PLGRKT: variants seen among roughly 807,000 people sequenced by gnomAD.
PLGRKT encodes plasminogen receptor with a C-terminal lysine.
Under a neutral mutation model 18.5 loss-of-function variants are expected in PLGRKT, and 22 were observed. The observed-to-expected ratio is 1.19, with a 90% CI of 0.85 to 1.70. PLGRKT has a LOEUF of 1.70. Among genes scored for constraint, PLGRKT ranks in the 40% most tolerant of loss-of-function variants. The pLI, the probability that PLGRKT is intolerant of heterozygous loss-of-function variation, is 0.00. For missense variants in PLGRKT, 235 were observed against 174.4 expected (o/e 1.35, Z -1.96); for synonymous variants, 72 against 52.8 (o/e 1.36, Z -1.58).
chr9:5,404,771 T>A (rs1016274613), intron 3 of PLGRKT, among the ~76,000 whole-genome samples: 1 of 152,174 alleles, frequency 6.6e-6, no homozygotes, highest in African/African-American at 2.4e-5. Flanking sequence ...TTGGAAGTCC[T>A]AGCCAGGTCA....
intron 3 of PLGRKT, among the ~76,000 whole-genome samples, chr9:5,396,412 A>G (rs1325656885): frequency 6.6e-6 from 1 of 151,616 alleles, no homozygotes; most frequent in Non-Finnish European, 1.5e-5. Context: ...CAGCCTCCCG[A>G]GTAGCTGGCA....
intron 3 of PLGRKT, among the ~76,000 whole-genome samples, chr9:5,420,706 G>A (rs1818559493): frequency 6.6e-6 from 1 of 152,170 alleles, no homozygotes. Flanking sequence ...CAAAGATTGT[G>A]CTGCTTTCTT....
chr9:5,377,140 G>C (rs1297270015), intron 3 of PLGRKT, among the ~76,000 whole-genome samples: 1 of 152,040 alleles, frequency 6.6e-6, no homozygotes, highest in South Asian at 2.1e-4. Context: ...CCGTTACAAT[G>C]ACTTTCCTAC....
At chr9:5,416,329 G>A (rs370345016) in intron 3 of PLGRKT, among the ~76,000 whole-genome samples, 4 of 152,082 alleles carry the variant, frequency 2.6e-5, no homozygotes, top group African/African-American at 9.7e-5. Flanking sequence ...GTAGAAACAA[G>A]ACATGTAGAA....
intron 3 of PLGRKT, among the ~76,000 whole-genome samples, chr9:5,430,946 T>C (rs1818810300): frequency 6.6e-6 from 1 of 152,240 alleles, no homozygotes; most frequent in African/African-American, 2.4e-5. Context: ...AAATCCAATG[T>C]TAAGGTTTCA....
At chr9:5,424,648 A>AT in intron 3 of PLGRKT, among the ~76,000 whole-genome samples, 1 of 106,546 alleles carries the variant, frequency 9.4e-6, no homozygotes, top group Non-Finnish European at 1.8e-5. Flanking sequence ...TTTACATTAT[A>AT]TATAATATAA....
rs762149554 is a variant in PLGRKT, at chr9:5,361,778, T to A, written c.192A>T (p.Ala64=). The A allele has an allele frequency of 3.1e-6, 5 of 1,612,486 alleles. No individual in the cohort carries two copies. The Admixed American group carries it at 6.7e-5, about 22-fold the overall frequency. The change falls in exon 4 of 6, where the codon GCA becomes GCT. Residue 64 remains alanine (A), a synonymous_variant. Transcript: ENST00000223864. ...CATACCCAGCTGTTAAAGAGATGGC[T>A]GCAAGGCCAAAAAAAGTTCCAAAAT... ...LKYFGTFFGL[A]AISLTAGAIK...
At chr9:5,432,777 C>T (rs922913725) in intron 2 of PLGRKT, among the ~76,000 whole-genome samples, 17 of 152,208 alleles carry the variant, frequency 1.1e-4, no homozygotes, top group Non-Finnish European at 1.8e-4. Flanking sequence ...GGATTGCAGA[C>T]GGAGTCTCGC....
chr9:5,403,409 G>C (rs1451454005), intron 3 of PLGRKT, among the ~76,000 whole-genome samples: 3 of 151,982 alleles, frequency 2.0e-5, no homozygotes, highest in African/African-American at 7.3e-5. Flanking sequence ...ATTTTTAGTA[G>C]AAACGGGGTT....
chr9:5,421,171 G>A (rs968396299), intron 3 of PLGRKT, among the ~76,000 whole-genome samples: 2 of 152,078 alleles, frequency 1.3e-5, no homozygotes, highest in Non-Finnish European at 2.9e-5. Flanking sequence ...TCAGAGTTCT[G>A]GCCATACCAG....
intron 3 of PLGRKT, among the ~76,000 whole-genome samples, chr9:5,416,995 T>C (rs1189357409): frequency 6.6e-6 from 1 of 152,228 alleles, no homozygotes; most frequent in Non-Finnish European, 1.5e-5. Context: ...AGAGACTTGG[T>C]GGACATTTTT....
intron 2 of PLGRKT, among the ~76,000 whole-genome samples, chr9:5,433,113 C>G (rs563593849): frequency 6.7e-6 from 1 of 149,016 alleles, no homozygotes; most frequent in African/African-American, 2.5e-5. Context: ...CCAGCCACCC[C>G]GTCTGGGAAG....
chr9:5,417,241 T>A (rs192672362), intron 3 of PLGRKT, among the ~76,000 whole-genome samples: 1 of 152,336 alleles, frequency 6.6e-6, no homozygotes, highest in Admixed American at 6.5e-5. Flanking sequence ...AGACTTAGTA[T>A]GTGACCCCTA....
chr9:5,431,757 G>T (rs2131177544), intron 3 of PLGRKT, 140 bp downstream of exon 3: 2 of 583,068 alleles, frequency 3.4e-6, no homozygotes, highest in Non-Finnish European at 3.1e-6. Context: ...TAATTAGTAA[G>T]CCATTTTATC....
At chr9:5,421,873 T>A (rs937389719) in intron 3 of PLGRKT, among the ~76,000 whole-genome samples, 1 of 152,220 alleles carries the variant, frequency 6.6e-6, no homozygotes, top group Non-Finnish European at 1.5e-5. Flanking sequence ...AAAGATGGGA[T>A]AACTTGAGCA....
intron 3 of PLGRKT, among the ~76,000 whole-genome samples, chr9:5,391,192 G>C (rs1307531077): frequency 6.6e-6 from 1 of 151,918 alleles, no homozygotes; most frequent in East Asian, 1.9e-4. Flanking sequence ...ACTGATTTGA[G>C]GCAACTTTAT....
intron 2 of PLGRKT, among the ~76,000 whole-genome samples, chr9:5,434,942 G>C (rs972861273): frequency 6.6e-6 from 1 of 152,086 alleles, no homozygotes; most frequent in Non-Finnish European, 1.5e-5. Context: ...GAAAGAAGTA[G>C]ACATAGGAGA....
rs1817253410 is a variant in PLGRKT at position 5,361,110 on chromosome 9, A to C, written c.290T>G (p.Leu97Trp). ...TCTTTCTAAAAGGGTTCCATAGCCC[A>C]AGTCATACTGGTAGGTGAGGATAAA... ...LSFILTYQYD[L>W]GYGTLLERMK... Residue 97 changes from leucine (L) to tryptophan (W), a missense_variant, in exon 5 of 6, where the codon TTG becomes TGG. Transcript: ENST00000223864. 3 of 1,604,170 alleles carry C rather than the reference A, an allele frequency of 1.9e-6. No individual in the cohort carries two copies. Among genetic ancestry groups the C allele is most frequent in the African/African-American group, 1.3e-5 (1 of 74,822 alleles).
rs1818581397 is a variant in PLGRKT at position 5,421,824 on chromosome 9, A to C, written c.81+10073T>G. 2.6e-5 allele frequency among the ~76,000 whole-genome samples: 4 copies of C among 152,230 alleles called. No homozygotes were observed. In the South Asian group the frequency reaches 8.3e-4, roughly 32 times the overall value. On this transcript the variant is annotated intron_variant, in intron 3 of 5. Coordinates refer to ENST00000223864, the MANE Select transcript of PLGRKT (RefSeq NM_018465.4). ...TCAAGAATTAAGTGGGTCTTATCTA[A>C]GGGACATAGGAATCAACTTGAAAGA...
Sources: allele counts gnomAD v4.1 joint callset (sites outside exome capture counted in the v4.1 genomes callset), GRCh38; gene constraint gnomAD v4.1.1; transcripts MANE v1.5; gene names NCBI Gene and HGNC (gene_info 2026-07-23, HGNC 2026-07-21).